The following NIPAL3 variants were observed in gnomAD, a reference collection of about 807,000 sequenced individuals.
NIPAL3 encodes NIPA like domain containing 3.
Under a neutral mutation model 47.2 loss-of-function variants are expected in NIPAL3, and 41 were observed. The ratio of observed to expected loss-of-function variants is 0.87; its 90% CI spans 0.68 to 1.13. The LOEUF (loss-of-function observed/expected upper bound fraction) is 1.13, where lower values mean the gene tolerates loss of function less well. Ranked by LOEUF, NIPAL3 falls within the 50% of genes most tolerant of loss-of-function variation. The probability of loss-of-function intolerance (pLI) is 0.00; values close to 1 mark genes in which losing one functional copy is unlikely to be tolerated. For missense variants in NIPAL3, 449 were observed against 530.1 expected (o/e 0.85, Z 1.50); for synonymous variants, 194 against 209.6 (o/e 0.93, Z 0.64).
At chr1:24,460,929 T>C (rs1570371799) in intron 10 of NIPAL3, among the ~76,000 whole-genome samples, 1 of 152,170 alleles carries the variant, frequency 6.6e-6, no homozygotes, top group African/African-American at 2.4e-5. Flanking sequence ...GTTAGCATAC[T>C]TGAATGTGGG....
intron 6 of NIPAL3, among the ~76,000 whole-genome samples, chr1:24,452,300 G>A (rs1204413382): frequency 6.6e-6 from 1 of 152,222 alleles, no homozygotes; most frequent in Non-Finnish European, 1.5e-5. Context: ...TAGAGCACCA[G>A]ACAGTGTGGC....
Position 24,471,084 on chromosome 1 carries a change from CA to C in NIPAL3, c.*1902del, listed in dbSNP as rs1483977852. 6.6e-6 allele frequency: 1 copy of C among 152,098 alleles called. No individual in the cohort carries two copies. The highest frequency in any genetic ancestry group is 2.1e-4 in the South Asian group (1 of 4,826). 9.4% of individuals were successfully genotyped at this position (152,098 alleles called of 1,614,324 possible). A position where few individuals can be genotyped will look rare whatever the true frequency, so the allele number is the denominator to read the frequency against. ...CCTGCTAAAGGTCGGACCCTGAGCC[CA>C]AAGGGGTATTCAGAAGTGGAGATGA... On this transcript the variant is annotated 3_prime_UTR_variant, in exon 12 of 12. Coordinates refer to ENST00000374399, the MANE Select transcript of NIPAL3 (RefSeq NM_020448.5).
At chr1:24,433,647 A>G (rs767520980) in intron 2 of NIPAL3, among the ~76,000 whole-genome samples, 83 of 152,360 alleles carry the variant, frequency 5.4e-4, no homozygotes, top group South Asian at 1.2e-3. Flanking sequence ...TTCAGGAAAC[A>G]TAAACTGAGT....
chr1:24,447,608 C>A (rs1645731388), intron 5 of NIPAL3, among the ~76,000 whole-genome samples: 1 of 152,132 alleles, frequency 6.6e-6, no homozygotes, highest in Admixed American at 6.5e-5. Flanking sequence ...TTTGGAGCTA[C>A]TGCCAAGAAG....
intron 5 of NIPAL3, 140 bp downstream of exon 5, chr1:24,445,384 TGA>T (rs2148816825): frequency 1.8e-6 from 1 of 563,214 alleles, no homozygotes; most frequent in East Asian, 3.1e-5. Context: ...AACAGGCTCC[TGA>T]GAGCTGGATT....
intron 2 of NIPAL3, among the ~76,000 whole-genome samples, chr1:24,423,938 G>A (rs1001405396): frequency 6.6e-6 from 1 of 152,144 alleles, no homozygotes; most frequent in Non-Finnish European, 1.5e-5. Context: ...TGAAAGGCAT[G>A]CTCCTTAGAA....
intron 3 of NIPAL3, among the ~76,000 whole-genome samples, chr1:24,441,574 C>T (rs1029906117): frequency 2.0e-5 from 3 of 152,188 alleles, no homozygotes; most frequent in African/African-American, 7.2e-5. Context: ...AACTGCCCAG[C>T]GAGAGCTGCT....
rs989308388 is a variant in NIPAL3 at position 24,440,116 on chromosome 1, TG to T, written c.94-52del. On this transcript the variant is annotated intron_variant, in intron 2 of 11. Transcript: ENST00000374399. Reference sequence around the variant, plus strand: ...AAATGGTTGAGTGTCAGAAGTGTCCTGGGGCCCCCTGGCTTGTGCCCAAATC... The same window carrying T: ...AAATGGTTGAGTGTCAGAAGTGTCCTGGGCCCCCTGGCTTGTGCCCAAATC... The T allele has an allele frequency of 2.8e-5, 39 of 1,384,518 alleles. No homozygotes were observed. In the East Asian group the frequency reaches 8.4e-4, roughly 30 times the overall value. 85.8% of individuals were successfully genotyped at this position (1,384,518 alleles called of 1,614,324 possible). A position where few individuals can be genotyped will look rare whatever the true frequency, so the allele number is the denominator to read the frequency against.
At chr1:24,420,520 T>C (rs1570167736) in intron 2 of NIPAL3, among the ~76,000 whole-genome samples, 1 of 152,122 alleles carries the variant, frequency 6.6e-6, no homozygotes, top group East Asian at 1.9e-4. Context: ...AAAAAGTATA[T>C]ATATATATAG....
At chr1:24,436,052 T>C (rs1051467780) in intron 2 of NIPAL3, among the ~76,000 whole-genome samples, 4 of 152,198 alleles carry the variant, frequency 2.6e-5, no homozygotes, top group Admixed American at 6.5e-5. Context: ...CTAATTCCAT[T>C]CATGAGGGCT....
chr1:24,435,986 G>C (rs547388923), intron 2 of NIPAL3, among the ~76,000 whole-genome samples: 3 of 152,276 alleles, frequency 2.0e-5, no homozygotes, highest in African/African-American at 7.2e-5. Context: ...TCCTCTCTCT[G>C]TCCTCACGTG....
At position 24,472,818 on chromosome 1, in the gene NIPAL3, T is replaced by C. The variant is rs1190233891; in HGVS notation, c.*3633T>C. Reference sequence around the variant, plus strand: ...ACAAAAGGTTACTTGTGTGTTTCTCTGAGAAGCGGTGTAAATGAAGTCACC... The same window carrying C: ...ACAAAAGGTTACTTGTGTGTTTCTCCGAGAAGCGGTGTAAATGAAGTCACC... On this transcript the variant is annotated 3_prime_UTR_variant, in exon 12 of 12. Coordinates refer to ENST00000374399, the MANE Select transcript of NIPAL3 (RefSeq NM_020448.5). 1.3e-5 allele frequency: 2 copies of C among 152,106 alleles called. No homozygotes were observed. Among genetic ancestry groups the C allele is most frequent in the Non-Finnish European group, 2.9e-5 (2 of 68,016 alleles). The allele number at this position is 152,106 out of a possible 1,614,324, so 9.4% of individuals were successfully genotyped here.
intron 2 of NIPAL3, among the ~76,000 whole-genome samples, chr1:24,435,161 T>C (rs1005925438): frequency 6.2e-4 from 94 of 152,298 alleles, no homozygotes; most frequent in African/African-American, 2.2e-3. Flanking sequence ...GGAGAAAGAA[T>C]AGTCTTTTCA....
At chr1:24,460,374 C>A in intron 9 of NIPAL3, 107 bp from the exon 10 acceptor site, 1 of 850,234 alleles carries the variant, frequency 1.2e-6, no homozygotes, top group Non-Finnish European at 1.8e-6. Flanking sequence ...AAGTTTTGAT[C>A]ATTTTAGTTT....
intron 2 of NIPAL3, among the ~76,000 whole-genome samples, chr1:24,434,297 T>C (rs920341995): frequency 6.6e-6 from 1 of 152,120 alleles, no homozygotes. Flanking sequence ...GGAGTAACTA[T>C]ACTAATATTA....
At chr1:24,445,129 A>G (rs1645595661) in intron 4 of NIPAL3, 56 bp from the exon 5 acceptor site, 1 of 1,256,440 alleles carries the variant, frequency 8.0e-7, no homozygotes, top group Non-Finnish European at 1.2e-6. Context: ...GGGTGAAGGG[A>G]TGCCCTTTAG....
At chr1:24,415,778 A>G (rs911250809), upstream of NIPAL3, 17 of 945,358 alleles carry the variant, frequency 1.8e-5, no homozygotes, top group Non-Finnish European at 2.1e-5. Context: ...TGAAAGCAAA[A>G]CACTGCAGCA....
chr1:24,455,972 A>T (rs562949501), intron 7 of NIPAL3, among the ~76,000 whole-genome samples, 166 bp from the exon 8 acceptor site: 46 of 152,210 alleles, frequency 3.0e-4, no homozygotes, highest in African/African-American at 1.1e-3. Context: ...TGCACACGAG[A>T]CCCAGTGCAA....
In NIPAL3 at chr1:24,454,925, A is replaced by G. The variant is rs1190303296; in HGVS notation, c.638-1213A>G. ...CTCGGTGACTTTGTTTTCAAAGTGG[A>G]TGGGAAGGATCACGGCCCTGAAACA... On this transcript the variant is annotated intron_variant, in intron 7 of 11. Transcript: ENST00000374399. The surrounding 1 kb of genome is among the most constrained non-coding windows in gnomAD (Gnocchi z 4.1). The G allele has an allele frequency of 1.3e-5, 2 of 152,196 alleles. No homozygotes were observed. The highest frequency in any genetic ancestry group is 2.1e-4 in the South Asian group (1 of 4,830). The allele number at this position is 152,196 out of a possible 1,614,324, so 9.4% of individuals were successfully genotyped here.
Sources: gnomAD v4.1 joint callset for allele counts (sites outside exome capture counted in the v4.1 genomes callset) on GRCh38, gnomAD v4.1.1 for gene constraint, Gnocchi (gnomAD v3.1) non-coding constraint, MANE v1.5 for transcripts, NCBI Gene and HGNC (gene_info 2026-07-23, HGNC 2026-07-21) for gene names.